Variants in UGT1A6 observed in about 807,000 individuals in gnomAD.
The protein encoded by UGT1A6 is UDP glucuronosyltransferase family 1 member A6, also known as UDP-glucuronosyltransferase 1A6.
A neutral mutation model predicts 44.4 loss-of-function variants in UGT1A6; 32 were observed. The observed-to-expected ratio is 0.72, with a 90% CI of 0.54 to 0.97. The LOEUF (loss-of-function observed/expected upper bound fraction) is 0.97, where lower values mean the gene tolerates loss of function less well. Ranked by LOEUF, UGT1A6 falls within the 50% of genes least tolerant of loss-of-function variation. UGT1A6 has a pLI of 0.00. For synonymous variants in UGT1A6, 238 were observed against 248.5 expected (o/e 0.96, Z 0.40); for missense variants, 685 against 661.9 (o/e 1.03, Z -0.38).
chr2:233,693,318 T>C lies in UGT1A6; in HGVS notation c.314T>C (p.Leu105Pro), dbSNP rs2075145288. 6.2e-7 allele frequency: 1 copy of C among 1,614,116 alleles called. No individual in the cohort carries two copies. Among genetic ancestry groups the C allele is most frequent in the African/African-American group, 1.3e-5 (1 of 74,950 alleles). ...GNNHFAERSF[L>P]TAPQTEYRNN... Reference sequence around the variant, plus strand: ...AATCACTTTGCTGAGCGATCATTCCTAACTGCTCCTCAGACAGAGTACAGG... The same window carrying C: ...AATCACTTTGCTGAGCGATCATTCCCAACTGCTCCTCAGACAGAGTACAGG... Residue 105 changes from leucine to proline, a missense_variant, in exon 1 of 5, where the codon CTA (leucine) becomes CCA (proline). By Grantham distance (98) the Leu-to-Pro change is moderately conservative. Coordinates refer to ENST00000305139, the MANE Select transcript of UGT1A6 (RefSeq NM_001072.4).
At chr2:233,695,225 A>C (rs1490508251) in intron 1 of UGT1A6, among the ~76,000 whole-genome samples, 1 of 150,674 alleles carries the variant, frequency 6.6e-6, no homozygotes, top group Non-Finnish European at 1.5e-5. Flanking sequence ...TCCTGGGTTC[A>C]AGCGATTCTC....
At chr2:233,731,855 G>A (rs1025455629) in intron 1 of UGT1A6, among the ~76,000 whole-genome samples, 3 of 152,256 alleles carry the variant, frequency 2.0e-5, no homozygotes, top group African/African-American at 2.4e-5. Flanking sequence ...TTGAGGAATC[G>A]CCACACTGTC....
At chr2:233,768,058 CTT>C in intron 3 of UGT1A6, 122 bp downstream of exon 3, 1 of 1,601,872 alleles carries the variant, frequency 6.2e-7, no homozygotes, top group East Asian at 2.2e-5. Context: ...TCCTACATTG[CTT>C]TTTATCTAGT....
intron 1 of UGT1A6, chr2:233,729,704 A>T (rs759605345): frequency 1.2e-6 from 2 of 1,613,894 alleles, no homozygotes; most frequent in Non-Finnish European, 1.7e-6. Context: ...CCTTCCTCCT[A>T]TATTCCTAGA....
chr2:233,760,574 G>A lies in UGT1A6; in HGVS notation c.862-6460G>A, dbSNP rs1287104845. On this transcript the variant is annotated intron_variant, in intron 1 of 4. Coordinates refer to ENST00000305139, the MANE Select transcript of UGT1A6 (RefSeq NM_001072.4). ...GTGAAAGAGTCTTTTGTTAGTCTCG[G>A]GCATAATGTTTTTGAGAATGATTCT... The A allele has an allele frequency of 6.2e-7, 1 of 1,614,190 alleles. No individual in the cohort carries two copies. The highest frequency in any genetic ancestry group is 1.3e-5 in the African/African-American group (1 of 75,038).
rs34650714 is a variant in UGT1A6 at position 233,767,183 on chromosome 2, C to T, written c.993+18C>T. The T allele has an allele frequency of 6.4e-3, 10,393 of 1,613,868 alleles. 514 individuals carry two copies. The African/African-American group carries it at 0.12, about 18-fold the overall frequency. On this transcript the variant is annotated intron_variant, in intron 2 of 4. Transcript: ENST00000305139. The stretch of plus-strand genomic sequence containing the variant: ...CTCAGACAGTAAGAAGATTCTATAC[C>T]ATGGCCTCATATCTATTTTCACAGG...
Position 233,772,266 on chromosome 2 carries a change from AAGG to A in UGT1A6, c.1309_1311del (p.Glu437del). ...CGAAACTGTCTTTGTGTTTAGTTAC[AAGG>A]AGAACATCATGCGCCTCTCCAGCCT... is the stretch of plus-strand genomic sequence containing the variant. On this transcript the variant is annotated inframe_deletion, in exon 5 of 5. Coordinates refer to ENST00000305139, the MANE Select transcript of UGT1A6 (RefSeq NM_001072.4). 1 of 1,614,262 alleles carries A rather than the reference AAGG, an allele frequency of 6.2e-7. No homozygotes were observed. The highest frequency in any genetic ancestry group is 8.5e-7 in the Non-Finnish European group (1 of 1,180,048).
chr2:233,754,953 C>T (rs1487058909), intron 1 of UGT1A6: 2 of 1,319,926 alleles, frequency 1.5e-6, no homozygotes, highest in South Asian at 1.1e-5. Context: ...TGGGTCCCGG[C>T]CGCCAAAGAA....
At chr2:233,700,527 C>T (rs1399866515) in intron 1 of UGT1A6, among the ~76,000 whole-genome samples, 1 of 152,026 alleles carries the variant, frequency 6.6e-6, no homozygotes, top group Non-Finnish European at 1.5e-5. Context: ...ATTTAGATAA[C>T]TCTAGGAGAA....
chr2:233,745,600 C>G (rs1179957536), intron 1 of UGT1A6, among the ~76,000 whole-genome samples: 2 of 151,524 alleles, frequency 1.3e-5, no homozygotes, highest in African/African-American at 4.9e-5. Context: ...GGACTTGGCA[C>G]TTGGTAAGCA....
At chr2:233,729,013 C>A in intron 1 of UGT1A6, 1 of 1,586,512 alleles carries the variant, frequency 6.3e-7, no homozygotes, top group Non-Finnish European at 8.6e-7. Context: ...CTCTGTCTTC[C>A]AATTACACGT....
At chr2:233,742,994 G>A in intron 1 of UGT1A6, 1 of 234,262 alleles carries the variant, frequency 4.3e-6, no homozygotes, top group South Asian at 6.0e-5. Flanking sequence ...ATAGCAAATT[G>A]CATACAGATA....
chr2:233,739,318 A>G (rs1691049780), intron 1 of UGT1A6, among the ~76,000 whole-genome samples: 1 of 152,136 alleles, frequency 6.6e-6, no homozygotes, highest in African/African-American at 2.4e-5. Flanking sequence ...GAGTTGTGAG[A>G]AGAAGGCCAC....
At chr2:233,758,796 A>T (rs1025400084) in intron 1 of UGT1A6, among the ~76,000 whole-genome samples, 2 of 152,214 alleles carry the variant, frequency 1.3e-5, no homozygotes, top group African/African-American at 4.8e-5. Flanking sequence ...GTTATCTTGG[A>T]ATTGTATAGT....
intron 4 of UGT1A6, 68 bp from the exon 5 acceptor site, chr2:233,772,194 T>G (rs921300076): frequency 1.9e-6 from 3 of 1,602,000 alleles, no homozygotes; most frequent in African/African-American, 2.7e-5. Context: ...TAAGCAGCCA[T>G]GAGCATAAAG....
chr2:233,760,116 A>G lies in UGT1A6; in HGVS notation c.862-6918A>G. 2.4e-6 allele frequency: 3 copies of G among 1,260,492 alleles called. No homozygotes were observed. In the South Asian group the frequency reaches 4.7e-5, roughly 20 times the overall value. The allele number at this position is 1,260,492 out of a possible 1,614,324, so 78.1% of individuals were successfully genotyped here. ...GTTGTTGCCTATTAAGAAACCTAATAAAGCTCCACCTTCTTTATCTCTGAA... is the reference window on the plus strand; with the variant it reads ...GTTGTTGCCTATTAAGAAACCTAATGAAGCTCCACCTTCTTTATCTCTGAA... On this transcript the variant is annotated intron_variant, in intron 1 of 4. Transcript: ENST00000305139.
chr2:233,724,460 G>T (rs551187141), intron 1 of UGT1A6, among the ~76,000 whole-genome samples: 1 of 114,598 alleles, frequency 8.7e-6, no homozygotes, highest in Non-Finnish European at 1.8e-5. Flanking sequence ...GCTGCCGGGC[G>T]GAGGGGCTCC....
intron 1 of UGT1A6, among the ~76,000 whole-genome samples, chr2:233,732,854 T>C (rs1024629141): frequency 3.3e-5 from 5 of 151,658 alleles, no homozygotes; most frequent in African/African-American, 9.7e-5. Context: ...TGTGAAGTCA[T>C]TGGTAGCTTG....
chr2:233,762,062 A>G (rs1056836551), intron 1 of UGT1A6, among the ~76,000 whole-genome samples: 8 of 152,148 alleles, frequency 5.3e-5, no homozygotes, highest in Non-Finnish European at 8.8e-5. Flanking sequence ...TTCATAGCAC[A>G]TCAAATATGG....
Sources: allele counts gnomAD v4.1 joint callset (sites outside exome capture counted in the v4.1 genomes callset), GRCh38; gene constraint gnomAD v4.1.1; transcripts MANE v1.5; gene names NCBI Gene and HGNC (gene_info 2026-07-23, HGNC 2026-07-21).